The following VAV3 variants were observed in gnomAD, a reference collection of about 807,000 sequenced individuals.
VAV3 encodes the protein guanine nucleotide exchange factor VAV3.
In VAV3, 94 loss-of-function variants were observed where a neutral mutation model predicts 131.2. The observed-to-expected ratio is 0.72, with a 90% CI of 0.61 to 0.85. The LOEUF (loss-of-function observed/expected upper bound fraction) is 0.85. Ranked by LOEUF, VAV3 falls within the 40% of genes least tolerant of loss-of-function variation. The pLI, the probability that VAV3 is intolerant of heterozygous loss-of-function variation, is 0.00. For missense variants in VAV3, 939 were observed against 1,002.7 expected (o/e 0.94, Z 0.86); for synonymous variants, 349 against 342.0 (o/e 1.02, Z -0.22).
chr1:107,942,010 T>C (rs1020812), intron 1 of VAV3, among the ~76,000 whole-genome samples: 37,971 of 152,042 alleles, frequency 0.25, 4,927 homozygotes, highest in South Asian at 0.36. Flanking sequence ...CCCTCATCTT[T>C]TCCTGCCTCC....
chr1:107,779,657 C>A (rs1192236561), intron 2 of VAV3, among the ~76,000 whole-genome samples, 165 bp from the exon 3 acceptor site: 2 of 151,950 alleles, frequency 1.3e-5, no homozygotes, highest in African/African-American at 2.4e-5. Context: ...AGTATAAACA[C>A]CTGGATTATA....
At chr1:107,958,485 A>T (rs1674922127) in intron 1 of VAV3, among the ~76,000 whole-genome samples, 1 of 152,200 alleles carries the variant, frequency 6.6e-6, no homozygotes, top group Non-Finnish European at 1.5e-5. Context: ...TTATTTTAGG[A>T]ATGCTGCATC....
At chr1:107,849,349 CA>C (rs1439641984) in intron 2 of VAV3, among the ~76,000 whole-genome samples, 1 of 151,390 alleles carries the variant, frequency 6.6e-6, no homozygotes, top group African/African-American at 2.4e-5. Context: ...CTACAGTAAC[CA>C]AAACAGCATG....
intron 17 of VAV3, among the ~76,000 whole-genome samples, chr1:107,691,732 G>GCAA (rs1659436105): frequency 6.6e-6 from 1 of 151,980 alleles, no homozygotes; most frequent in Non-Finnish European, 1.5e-5. Flanking sequence ...GGCCCTCAAG[G>GCAA]GGTTTATACC....
intron 2 of VAV3, among the ~76,000 whole-genome samples, chr1:107,786,478 T>C (rs1047914963): frequency 6.6e-6 from 1 of 152,188 alleles, no homozygotes; most frequent in African/African-American, 2.4e-5. Flanking sequence ...AAATTACAAT[T>C]AAAACATCAC....
At chr1:107,575,310 C>A (rs1040880207) in intron 25 of VAV3, among the ~76,000 whole-genome samples, 1 of 152,106 alleles carries the variant, frequency 6.6e-6, no homozygotes, top group Admixed American at 6.5e-5. Context: ...ATGGGAAACA[C>A]CAACCATCTG....
Position 107,596,276 on chromosome 1 carries a change from C to T in VAV3, c.2286G>A (p.Leu762=), listed in dbSNP as rs143493312. Residue 762 remains leucine, a synonymous_variant, in exon 25 of 27, where the codon CTG becomes CTA. Transcript: ENST00000370056. ...GTTCTGGCTCCTTGTATGGAAACTG[C>T]AGAGTTGTATCTAAGGTTCTGAACC... ...KEGFRTLDTT[L]QFPYKEPEHS... The T allele has an allele frequency of 6.1e-5, 99 of 1,613,498 alleles. No homozygotes were observed. The Middle Eastern group carries it at 6.6e-4, about 11-fold the overall frequency.
intron 2 of VAV3, among the ~76,000 whole-genome samples, chr1:107,782,611 G>A (rs1665752663): frequency 6.6e-6 from 1 of 152,216 alleles, no homozygotes; most frequent in African/African-American, 2.4e-5. Flanking sequence ...AAGTGAGTGA[G>A]AACTGGCACT....
intron 6 of VAV3, among the ~76,000 whole-genome samples, chr1:107,768,965 C>T (rs1179626364): frequency 6.6e-6 from 1 of 152,150 alleles, no homozygotes; most frequent in African/African-American, 2.4e-5. Context: ...CTTTCATTCT[C>T]GGCATTCTCA....
chr1:107,620,711 A>G (rs951135768), intron 20 of VAV3, among the ~76,000 whole-genome samples: 4 of 152,180 alleles, frequency 2.6e-5, no homozygotes, highest in African/African-American at 9.7e-5. Context: ...ATATTCTATA[A>G]GGACAGCGTT....
chr1:107,858,403 A>G (rs1011908316), intron 2 of VAV3, among the ~76,000 whole-genome samples: 1 of 152,204 alleles, frequency 6.6e-6, no homozygotes, highest in South Asian at 2.1e-4. Flanking sequence ...GAAAAATTTA[A>G]GTCAGATACC....
At chr1:107,739,926 A>T (rs1662906574) in intron 15 of VAV3, among the ~76,000 whole-genome samples, 1 of 152,194 alleles carries the variant, frequency 6.6e-6, no homozygotes, top group Non-Finnish European at 1.5e-5. Context: ...AGAGTAAATA[A>T]CAGGCACAAA....
At chr1:107,650,672 T>C (rs535692792) in intron 19 of VAV3, among the ~76,000 whole-genome samples, 5 of 150,994 alleles carry the variant, frequency 3.3e-5, no homozygotes, top group African/African-American at 1.2e-4. Flanking sequence ...ACTCATCATT[T>C]AGCATTAGGT....
In VAV3 at chr1:107,744,902, C is replaced by T. The variant is rs1480109315; in HGVS notation, c.1502+4066G>A. On this transcript the variant is annotated intron_variant, in intron 15 of 26. Transcript: ENST00000370056. ...GTACTGTAAATGATACAGCATCAAA[C>T]TTGTACACATTTGCTCAAATGCTCC... Among the ~76,000 whole-genome samples the T allele has an allele frequency of 2.0e-5, 3 of 152,204 alleles. No homozygotes were observed. The East Asian group carries it at 5.8e-4, about 29-fold the overall frequency.
At chr1:107,688,560 A>C (rs1465596184) in intron 17 of VAV3, 154 bp from the exon 18 acceptor site, 2 of 1,506,378 alleles carry the variant, frequency 1.3e-6, no homozygotes, top group Non-Finnish European at 1.8e-6. Flanking sequence ...CTGGGCTAGT[A>C]ATTATTTTGC....
At chr1:107,801,043 A>G (rs1289960278) in intron 2 of VAV3, among the ~76,000 whole-genome samples, 3 of 152,112 alleles carry the variant, frequency 2.0e-5, no homozygotes, top group Non-Finnish European at 4.4e-5. Flanking sequence ...ATGGTTATCC[A>G]GTTTTCCCAG....
intron 22 of VAV3, 58 bp downstream of exon 22, chr1:107,609,873 T>G: frequency 6.4e-7 from 1 of 1,556,524 alleles, no homozygotes. Context: ...ATTTAAGGCA[T>G]CCTGGAGCTA....
chr1:107,757,153 A>ATGTG (rs34437461), intron 11 of VAV3, 108 bp downstream of exon 11: 454 of 593,076 alleles, frequency 7.7e-4, no homozygotes, highest in East Asian at 5.0e-3. Flanking sequence ...ATGTGTGTAT[A>ATGTG]TGTGTGTGTG....
Position 107,722,641 on chromosome 1 carries a change from T to C in VAV3, c.1503-17580A>G, listed in dbSNP as rs576152782. Among the ~76,000 whole-genome samples the C allele has an allele frequency of 3.3e-4, 50 of 152,256 alleles. 1 individual carries two copies. Among genetic ancestry groups the C allele is most frequent in the African/African-American group, 1.2e-3 (50 of 41,560 alleles). On this transcript the variant is annotated intron_variant, in intron 15 of 26. Coordinates refer to ENST00000370056, the MANE Select transcript of VAV3 (RefSeq NM_006113.5). Reference sequence around the variant, plus strand: ...TGGAATTGATGACCTTGAAGGGTTGTTTTCTGAGTATAAGAGGACACGCCT... The same window carrying C: ...TGGAATTGATGACCTTGAAGGGTTGCTTTCTGAGTATAAGAGGACACGCCT...
Sources: allele counts gnomAD v4.1 joint callset (sites outside exome capture counted in the v4.1 genomes callset), GRCh38; gene constraint gnomAD v4.1.1; transcripts MANE v1.5; gene names NCBI Gene and HGNC (gene_info 2026-07-23, HGNC 2026-07-21).